The following PRKG1 variants were observed in gnomAD, a reference collection of about 807,000 sequenced individuals.
PRKG1 encodes the protein protein kinase cGMP-dependent 1.
PRKG1 carries 35 observed loss-of-function variants against 88.1 expected under a neutral mutation model. The ratio of observed to expected loss-of-function variants is 0.40; its 90% CI spans 0.30 to 0.53. PRKG1 has a LOEUF of 0.53. Ranked by LOEUF, PRKG1 falls within the 20% of genes least tolerant of loss-of-function variation. The pLI, the probability that PRKG1 is intolerant of heterozygous loss-of-function variation, is 0.59. For synonymous variants in PRKG1, 303 were observed against 292.5 expected, an observed-to-expected ratio of 1.04 and a Z score of -0.37; for missense variants, 540 against 839.8, an observed-to-expected ratio of 0.64 and a Z score of 4.41.
chr10:51,993,883 C>T (rs1413710147), intron 5 of PRKG1, among the ~76,000 whole-genome samples: 3 of 152,180 alleles, frequency 2.0e-5, no homozygotes, highest in Admixed American at 2.0e-4. Context: ...AGGACTCTCT[C>T]CTGTTCAAAA....
intron 1 of PRKG1, among the ~76,000 whole-genome samples, chr10:51,010,434 T>C (rs191599507): frequency 5.3e-4 from 80 of 152,358 alleles, no homozygotes; most frequent in African/African-American, 1.8e-3. Flanking sequence ...AGATATTTCC[T>C]AATGCTCCCT....
chr10:52,165,584 G>T (rs1452469392), intron 9 of PRKG1, among the ~76,000 whole-genome samples: 1 of 152,126 alleles, frequency 6.6e-6, no homozygotes, highest in Non-Finnish European at 1.5e-5. Context: ...AGCTTTATTT[G>T]TTCAGGGTCT....
intron 5 of PRKG1, among the ~76,000 whole-genome samples, chr10:51,935,496 T>TA (rs1478367479): frequency 1.3e-5 from 2 of 152,130 alleles, no homozygotes; most frequent in Non-Finnish European, 2.9e-5. Context: ...GATTTGAAGA[T>TA]AAAAATGTTT....
intron 6 of PRKG1, among the ~76,000 whole-genome samples, chr10:52,055,493 A>G (rs931337130): frequency 6.6e-6 from 1 of 152,186 alleles, no homozygotes; most frequent in Non-Finnish European, 1.5e-5. Flanking sequence ...GAATTTATTT[A>G]TATCTTAAAA....
chr10:51,015,842 G>A (rs1843051079), intron 1 of PRKG1, among the ~76,000 whole-genome samples: 1 of 152,134 alleles, frequency 6.6e-6, no homozygotes, highest in Non-Finnish European at 1.5e-5. Context: ...AGCCGAGATG[G>A]CGCCATTGCA....
intron 1 of PRKG1, among the ~76,000 whole-genome samples, chr10:51,093,747 A>C (rs989850259): frequency 6.9e-6 from 1 of 144,896 alleles, no homozygotes; most frequent in Non-Finnish European, 1.5e-5. Flanking sequence ...ATATATATTT[A>C]TATGTATATA....
chr10:51,254,410 CT>C (rs559078297), intron 2 of PRKG1, among the ~76,000 whole-genome samples: 11 of 152,034 alleles, frequency 7.2e-5, no homozygotes, highest in Admixed American at 2.6e-4. Context: ...AGGCTAAGTA[CT>C]CTCAGTCTGA....
At chr10:51,457,988 A>G (rs897474624) in intron 2 of PRKG1, among the ~76,000 whole-genome samples, 2 of 152,150 alleles carry the variant, frequency 1.3e-5, no homozygotes, top group African/African-American at 2.4e-5. Context: ...TAAGTTTAAA[A>G]GCATTCTTTT....
At chr10:51,575,438 A>G (rs1204813965) in intron 3 of PRKG1, among the ~76,000 whole-genome samples, 1 of 151,980 alleles carries the variant, frequency 6.6e-6, no homozygotes, top group African/African-American at 2.4e-5. Context: ...GATCTCTACC[A>G]TAGAAATTGC....
At chr10:52,013,312 G>A (rs548526150) in intron 5 of PRKG1, among the ~76,000 whole-genome samples, 6 of 152,210 alleles carry the variant, frequency 3.9e-5, no homozygotes, top group Admixed American at 2.0e-4. Context: ...CCAGCTACTC[G>A]GGAGGCTGCG....
At chr10:52,156,632 G>A (rs904633253) in intron 8 of PRKG1, among the ~76,000 whole-genome samples, 2 of 151,638 alleles carry the variant, frequency 1.3e-5, no homozygotes, top group Non-Finnish European at 3.0e-5. Flanking sequence ...TCACATGATA[G>A]TTGATAGTAT....
At chr10:51,629,396 C>T (rs1230639432) in intron 3 of PRKG1, among the ~76,000 whole-genome samples, 1 of 151,720 alleles carries the variant, frequency 6.6e-6, no homozygotes, top group South Asian at 2.1e-4. Context: ...ATACAACTCA[C>T]CATAATGTAG....
chr10:51,054,744 A>G (rs539558011), intron 1 of PRKG1, among the ~76,000 whole-genome samples: 9 of 152,266 alleles, frequency 5.9e-5, no homozygotes, highest in Admixed American at 1.3e-4. Flanking sequence ...GTAGCTCTGG[A>G]GTCAGAAATT....
chr10:51,612,802 T>C (rs1838945699), intron 3 of PRKG1, among the ~76,000 whole-genome samples: 1 of 152,040 alleles, frequency 6.6e-6, no homozygotes, highest in African/African-American at 2.4e-5. Flanking sequence ...TTTTTATGCC[T>C]CATTTGGTGA....
chr10:51,657,440 G>A (rs1230978097), intron 3 of PRKG1, among the ~76,000 whole-genome samples: 1 of 152,052 alleles, frequency 6.6e-6, no homozygotes, highest in Non-Finnish European at 1.5e-5. Context: ...TTGTATGCAG[G>A]GCAATGCAGA....
intron 9 of PRKG1, among the ~76,000 whole-genome samples, chr10:52,194,997 C>G (rs974314007): frequency 6.6e-6 from 1 of 152,118 alleles, no homozygotes; most frequent in African/African-American, 2.4e-5. Context: ...AAATTGAACT[C>G]TGAGAAAGTA....
At chr10:51,222,786 C>G (rs1838583649) in intron 2 of PRKG1, among the ~76,000 whole-genome samples, 1 of 151,986 alleles carries the variant, frequency 6.6e-6, no homozygotes, top group South Asian at 2.1e-4. Context: ...TTACGGTATT[C>G]CTGCCCACAA....
At chr10:51,660,595 C>T (rs549162774) in intron 3 of PRKG1, among the ~76,000 whole-genome samples, 16 of 152,188 alleles carry the variant, frequency 1.1e-4, no homozygotes, top group African/African-American at 3.9e-4. Context: ...ATTTCCCTAC[C>T]TCAGTAACCC....
intron 7 of PRKG1, among the ~76,000 whole-genome samples, chr10:52,095,766 G>A (rs1389439918): frequency 1.3e-5 from 2 of 152,188 alleles, no homozygotes; most frequent in Non-Finnish European, 2.9e-5. Flanking sequence ...TATGATCTGT[G>A]AGTACTTTGG....
Sources: allele counts gnomAD v4.1 joint callset (sites outside exome capture counted in the v4.1 genomes callset), GRCh38; gene constraint gnomAD v4.1.1; transcripts MANE v1.5; gene names NCBI Gene and HGNC (gene_info 2026-07-23, HGNC 2026-07-21).